ARK2N: variants seen among roughly 807,000 people sequenced by gnomAD.
ARK2N encodes the protein arkadia (RNF111) N-terminal like PKA signaling regulator 2N.
chr18:46,186,803 C>T, the ARK2N span, among the ~76,000 whole-genome samples: 7,631 of 151,256 alleles, frequency 0.05, 266 homozygotes, highest in Non-Finnish European at 0.071. Context: ...CCCCCGTGCC[C>T]GGCCGAATTT....
chr18:46,215,690 A>G, the ARK2N span: 1 of 463,216 alleles, frequency 2.2e-6, no homozygotes, highest in East Asian at 3.6e-5. Context: ...ATAATAATAT[A>G]TATATATTTT....
At chr18:46,189,212 CAAAAAAA>C in the ARK2N span, among the ~76,000 whole-genome samples, 1,110 of 86,854 alleles carry the variant, frequency 0.013, 11 homozygotes, top group African/African-American at 0.046. Flanking sequence ...GAGACTGTCT[CAAAAAAA>C]AAAAAAAAAA....
At chr18:46,174,455 G>T in the ARK2N span, 1 of 152,254 alleles carries the variant, frequency 6.6e-6, no homozygotes, top group Non-Finnish European at 1.5e-5. Flanking sequence ...GCTCTGCGGC[G>T]TCCGGACGCT....
At chr18:46,207,982 G>A in the ARK2N span, among the ~76,000 whole-genome samples, 7 of 151,980 alleles carry the variant, frequency 4.6e-5, no homozygotes, top group Non-Finnish European at 1.0e-4. Context: ...TTCTTGCTTC[G>A]TTCTACTTGT....
chr18:46,250,356 AC>A, the ARK2N span, among the ~76,000 whole-genome samples: 1 of 151,798 alleles, frequency 6.6e-6, no homozygotes, highest in African/African-American at 2.4e-5. Context: ...CTGAGCAACC[AC>A]CCTCAGCTTT....
the ARK2N span, chr18:46,216,609 T>C: frequency 1.3e-6 from 2 of 1,592,562 alleles, no homozygotes; most frequent in Non-Finnish European, 1.7e-6. This position sits in a 1 kb window ranked among gnomAD's most constrained non-coding sequence, Gnocchi z 4.3. Context: ...GAGGATGTTT[T>C]TTAAACTGAC....
At chr18:46,187,649 T>C in the ARK2N span, among the ~76,000 whole-genome samples, 1 of 152,158 alleles carries the variant, frequency 6.6e-6, no homozygotes, top group Non-Finnish European at 1.5e-5. Context: ...CCAATAACTG[T>C]CTTAAAGGCA....
the ARK2N span, chr18:46,264,456 T>C: frequency 5.0e-5 from 7 of 141,234 alleles, no homozygotes; most frequent in African/African-American, 2.2e-4. Context: ...GTTTGTTTTG[T>C]TTTTGTTTTT....
chr18:46,189,905 A>G, the ARK2N span, among the ~76,000 whole-genome samples: 14 of 152,140 alleles, frequency 9.2e-5, no homozygotes, highest in Non-Finnish European at 1.5e-4. Flanking sequence ...AAATGTGTAT[A>G]ACCTAATTTA....
At chr18:46,242,597 T>G in the ARK2N span, among the ~76,000 whole-genome samples, 70 of 151,822 alleles carry the variant, frequency 4.6e-4, no homozygotes, top group Non-Finnish European at 6.3e-4. Flanking sequence ...ATGCCAAAGC[T>G]ATCCTAAATT....
chr18:46,223,988 A>G, the ARK2N span, among the ~76,000 whole-genome samples: 3 of 152,198 alleles, frequency 2.0e-5, no homozygotes, highest in Admixed American at 1.3e-4. Context: ...TAGTTATTTT[A>G]TTAGAGACCC....
chr18:46,216,626 GTACC>G, the ARK2N span: 14 of 1,540,530 alleles, frequency 9.1e-6, no homozygotes, highest in Non-Finnish European at 1.1e-5. The surrounding 1 kb of genome is among the most constrained non-coding windows in gnomAD (Gnocchi z 4.3). Context: ...TGACTGTAAA[GTACC>G]TGATGGCATT....
chr18:46,248,605 C>T, the ARK2N span, among the ~76,000 whole-genome samples: 11 of 152,036 alleles, frequency 7.2e-5, no homozygotes, highest in African/African-American at 1.9e-4. Flanking sequence ...TTTTTTGAGA[C>T]GGAGTCTTGC....
the ARK2N span, chr18:46,217,748 C>T: frequency 6.6e-6 from 1 of 152,038 alleles, no homozygotes; most frequent in Non-Finnish European, 1.5e-5. Context: ...AAATATGAGT[C>T]TCAAACGATC....
the ARK2N span, among the ~76,000 whole-genome samples, chr18:46,256,108 A>G: frequency 6.6e-6 from 1 of 152,180 alleles, no homozygotes. Flanking sequence ...GTGTGGGTGA[A>G]TTATCTTCAA....
At chr18:46,244,260 G>A in the ARK2N span, among the ~76,000 whole-genome samples, 2 of 152,178 alleles carry the variant, frequency 1.3e-5, no homozygotes, top group African/African-American at 4.8e-5. Context: ...AGAAGCAGAA[G>A]TCTTGGTGAG....
chr18:46,266,569 AT>A, the ARK2N span: 329 of 152,678 alleles, frequency 2.2e-3, 2 homozygotes, highest in African/African-American at 7.2e-3. Flanking sequence ...ACTAGGAAAT[AT>A]TTTTGTTGTT....
the ARK2N span, among the ~76,000 whole-genome samples, chr18:46,192,610 C>T: frequency 4.0e-5 from 6 of 149,796 alleles, no homozygotes; most frequent in Non-Finnish European, 8.9e-5. Flanking sequence ...CTTGCTCTGT[C>T]GCCCACGCCG....
the ARK2N span, among the ~76,000 whole-genome samples, chr18:46,202,702 C>T: frequency 6.6e-6 from 1 of 150,530 alleles, no homozygotes; most frequent in Middle Eastern, 3.2e-3. Context: ...GGAGGAGAAT[C>T]GCTTGAACCC....
Sources: allele counts gnomAD v4.1 joint callset (sites outside exome capture counted in the v4.1 genomes callset), GRCh38; gene constraint gnomAD v4.1.1; non-coding constraint Gnocchi (gnomAD v3.1); transcripts MANE v1.5; gene names NCBI Gene and HGNC (gene_info 2026-07-23, HGNC 2026-07-21).